Variants in FGF14 observed in about 807,000 individuals in gnomAD.
FGF14 encodes fibroblast growth factor homologous factor 4.
Under a neutral mutation model 25.5 loss-of-function variants are expected in FGF14, and 5 were observed. That is an observed-to-expected ratio of 0.20 (90% CI 0.10 to 0.41). FGF14 has a LOEUF of 0.41. FGF14 is among the 10% of genes least tolerant of loss of function. FGF14 has a pLI of 1.00. For synonymous variants in FGF14, 138 were observed against 118.3 expected, an observed-to-expected ratio of 1.17 and a Z score of -1.08; for missense variants, 222 against 320.1, an observed-to-expected ratio of 0.69 and a Z score of 2.34.
chr13:101,929,712 A>G (rs1762045858), intron 1 of FGF14, among the ~76,000 whole-genome samples: 1 of 152,142 alleles, frequency 6.6e-6, no homozygotes, highest in South Asian at 2.1e-4. Context: ...CTTTATTTAT[A>G]TGTGTTATAT....
intron 1 of FGF14, among the ~76,000 whole-genome samples, chr13:102,000,672 C>T (rs996608538): frequency 6.6e-6 from 1 of 152,298 alleles, no homozygotes; most frequent in East Asian, 1.9e-4. Flanking sequence ...CTCCCTTTAT[C>T]GCTGGCTTTT....
At chr13:102,324,229 C>T in intron 1 of FGF14, among the ~76,000 whole-genome samples, 1 of 151,854 alleles carries the variant, frequency 6.6e-6, no homozygotes, top group South Asian at 2.1e-4. Flanking sequence ...GGGAGAGAAC[C>T]CTCTTTCTAG....
chr13:101,996,679 T>C (rs2039204937), intron 1 of FGF14, among the ~76,000 whole-genome samples: 1 of 152,200 alleles, frequency 6.6e-6, no homozygotes, highest in South Asian at 2.1e-4. Flanking sequence ...CTCACAAATC[T>C]AGTTTGTAAG....
intron 1 of FGF14, among the ~76,000 whole-genome samples, chr13:102,227,982 A>T (rs923645905): frequency 1.3e-5 from 2 of 152,190 alleles, no homozygotes; most frequent in Non-Finnish European, 2.9e-5. Context: ...ATGTTTACCA[A>T]GGGAAACTCT....
intron 1 of FGF14, among the ~76,000 whole-genome samples, chr13:102,026,910 C>A (rs909740704): frequency 2.0e-5 from 3 of 151,984 alleles, no homozygotes; most frequent in African/African-American, 7.2e-5. Context: ...ACTTTTACAA[C>A]AAATTCTATT....
chr13:102,222,317 G>C (rs1012501472), intron 1 of FGF14, among the ~76,000 whole-genome samples: 1 of 152,140 alleles, frequency 6.6e-6, no homozygotes, highest in African/African-American at 2.4e-5. Flanking sequence ...TTCTGGCAGG[G>C]TTCATTTTAT....
At chr13:101,887,328 G>GTATA (rs1555307081) in intron 1 of FGF14, among the ~76,000 whole-genome samples, 14 of 147,690 alleles carry the variant, frequency 9.5e-5, no homozygotes, top group African/African-American at 2.5e-4. Context: ...ATATATGTGT[G>GTATA]TATATATATA....
intron 1 of FGF14, among the ~76,000 whole-genome samples, chr13:102,201,080 G>A (rs12874854): frequency 0.016 from 1,853 of 115,772 alleles, 16 homozygotes; most frequent in Non-Finnish European, 0.019. Context: ...CAGCTTGGGC[G>A]ACAGAGCGAG....
At chr13:102,214,722 T>C (rs548888555) in intron 1 of FGF14, among the ~76,000 whole-genome samples, 166 of 152,326 alleles carry the variant, frequency 1.1e-3, no homozygotes, top group African/African-American at 3.8e-3. Context: ...ATTTGGCTAC[T>C]GCTGGAGACA....
chr13:102,309,296 C>T (rs949352840), intron 1 of FGF14, among the ~76,000 whole-genome samples: 6 of 152,246 alleles, frequency 3.9e-5, no homozygotes, highest in Middle Eastern at 3.4e-3. Context: ...TGCCTGGAAA[C>T]GCTACCACGT....
At chr13:102,127,792 G>A (rs7328223) in intron 1 of FGF14, among the ~76,000 whole-genome samples, 2,013 of 152,270 alleles carry the variant, frequency 0.013, 43 homozygotes, top group African/African-American at 0.046. Context: ...TAACACGAGT[G>A]GTGTTCACAA....
intron 3 of FGF14, among the ~76,000 whole-genome samples, chr13:101,788,899 TATATATATATAGAGAGAGAGAGAGAGAG>T (rs1454545394): frequency 2.1e-5 from 1 of 47,354 alleles, no homozygotes; most frequent in Non-Finnish European, 4.4e-5. Flanking sequence ...TATATATATA[TATATATATATAGAGAGAGAGAGAGAGAG>T]AGAGAGAGAG....
chr13:101,919,550 AG>A (rs2098766520), upstream of FGF14, among the ~76,000 whole-genome samples: 1 of 151,790 alleles, frequency 6.6e-6, no homozygotes, highest in South Asian at 2.1e-4. Context: ...CTTGGGGGTC[AG>A]GAGGTCAGTT....
At chr13:101,954,729 C>T (rs1422419107) in intron 1 of FGF14, among the ~76,000 whole-genome samples, 1 of 151,476 alleles carries the variant, frequency 6.6e-6, no homozygotes, top group African/African-American at 2.4e-5. Flanking sequence ...TGTGCTTGTG[C>T]ACGAGTGTGT....
chr13:102,049,530 T>C (rs931398450), intron 1 of FGF14, among the ~76,000 whole-genome samples: 8 of 152,170 alleles, frequency 5.3e-5, no homozygotes, highest in Non-Finnish European at 1.0e-4. Context: ...TAAATAAACA[T>C]TGTTTGCTTG....
intron 3 of FGF14, among the ~76,000 whole-genome samples, chr13:101,762,881 AT>A (rs1032197343): frequency 6.2e-4 from 95 of 152,166 alleles, no homozygotes; most frequent in African/African-American, 2.2e-3. Context: ...CCAGAGGAAT[AT>A]TTTCATGCTA....
At chr13:102,336,803 A>G (rs942978195) in intron 1 of FGF14, among the ~76,000 whole-genome samples, 1 of 152,224 alleles carries the variant, frequency 6.6e-6, no homozygotes, top group Non-Finnish European at 1.5e-5. Context: ...AAAATCCTAG[A>G]GCCCTCAAGA....
At position 101,857,224 on chromosome 13, in the gene FGF14, G is replaced by A. The variant is rs138895744; in HGVS notation, c.408+11501C>T. Among the ~76,000 whole-genome samples, 1,268 of 152,016 alleles carry A rather than the reference G, an allele frequency of 8.3e-3. 15 individuals carry two copies. Among genetic ancestry groups the A allele is most frequent in the African/African-American group, 0.029 (1,205 of 41,500 alleles). On this transcript the variant is annotated intron_variant, in intron 3 of 4. Coordinates refer to ENST00000376143, the MANE Select transcript of FGF14 (RefSeq NM_004115.4). The stretch of plus-strand genomic sequence containing the variant: ...ATGATTTCTGCTAAATAATAGATAG[G>A]AGCCAGGATGAATGCCCAAATAAAA...
At chr13:102,372,030 T>C (rs2057900475) in intron 1 of FGF14, among the ~76,000 whole-genome samples, 1 of 152,234 alleles carries the variant, frequency 6.6e-6, no homozygotes, top group South Asian at 2.1e-4. Flanking sequence ...GATGTTCTTC[T>C]ATCTGGATCA....
Sources: allele counts gnomAD v4.1 joint callset (sites outside exome capture counted in the v4.1 genomes callset), GRCh38; gene constraint gnomAD v4.1.1; transcripts MANE v1.5; gene names NCBI Gene and HGNC (gene_info 2026-07-23, HGNC 2026-07-21).